Variants in CDH12 observed in about 807,000 individuals in gnomAD.
The protein encoded by CDH12 is cadherin-12.
Under a neutral mutation model 74.1 loss-of-function variants are expected in CDH12, and 41 were observed. That is an observed-to-expected ratio of 0.55 (90% CI 0.43 to 0.72). The LOEUF (loss-of-function observed/expected upper bound fraction) is 0.72, where lower values mean the gene tolerates loss of function less well. CDH12 is among the 30% of genes least tolerant of loss of function. The probability of loss-of-function intolerance (pLI) is 0.00; values close to 1 mark genes in which losing one functional copy is unlikely to be tolerated. For missense variants in CDH12, 945 were observed against 977.2 expected (o/e 0.97, Z 0.44); for synonymous variants, 399 against 355.0 (o/e 1.12, Z -1.39).
rs1410496026 is a variant in CDH12, at chr5:22,139,581, C to T, written c.-186-60719G>A. The T allele has an allele frequency of 2.8e-5, 4 of 144,586 alleles. No individual in the cohort carries two copies. The East Asian group carries it at 7.9e-4, about 29-fold the overall frequency. The allele number at this position is 144,586 out of a possible 1,614,324, so 9.0% of individuals were successfully genotyped here. On this transcript the variant is annotated intron_variant, in intron 4 of 14. Coordinates refer to ENST00000382254, the MANE Select transcript of CDH12 (RefSeq NM_004061.5). ...GGATTTTACTTGGCGTGCAATTTCT[C>T]AATAGACGTATCCTTCCTTCTGAAA...
At chr5:22,245,273 G>T (rs1480006569) in intron 3 of CDH12, among the ~76,000 whole-genome samples, 1 of 152,116 alleles carries the variant, frequency 6.6e-6, no homozygotes. Flanking sequence ...ATGGCTTTGG[G>T]AGAACATTTT....
chr5:21,847,876 CTGTT>C (rs1166219837), intron 7 of CDH12, among the ~76,000 whole-genome samples: 1 of 152,064 alleles, frequency 6.6e-6, no homozygotes, highest in Non-Finnish European at 1.5e-5. Flanking sequence ...CGTATTTATT[CTGTT>C]TGTTTTATGT....
intron 2 of CDH12, among the ~76,000 whole-genome samples, chr5:22,434,946 T>C (rs1205587159): frequency 6.6e-6 from 1 of 152,150 alleles, no homozygotes; most frequent in African/African-American, 2.4e-5. Flanking sequence ...ACATCTTGCT[T>C]CTAACCTCCA....
At chr5:22,512,481 C>T (rs2126673476) in intron 1 of CDH12, among the ~76,000 whole-genome samples, 1 of 152,206 alleles carries the variant, frequency 6.6e-6, no homozygotes, top group South Asian at 2.1e-4. Flanking sequence ...AGACCCAGGG[C>T]ACTAGTTTGG....
At position 22,726,288 on chromosome 5, in the gene CDH12, T is replaced by C. The variant is rs1379193636; in HGVS notation, c.-523+126770A>G. ...TTCTGGAATGTCATATGGTTGGAATTATATGTTATATGGCCTTTTCAGATT... is the reference window on the plus strand; with the variant it reads ...TTCTGGAATGTCATATGGTTGGAATCATATGTTATATGGCCTTTTCAGATT... On this transcript the variant is annotated intron_variant, in intron 1 of 14. Transcript: ENST00000382254. Among the ~76,000 whole-genome samples, 4 of 151,918 alleles carry C rather than the reference T, an allele frequency of 2.6e-5. No homozygotes were observed. The East Asian group carries it at 7.7e-4, about 29-fold the overall frequency.
intron 1 of CDH12, among the ~76,000 whole-genome samples, chr5:22,837,258 C>T (rs1581049709): frequency 6.6e-6 from 1 of 151,682 alleles, no homozygotes; most frequent in African/African-American, 2.4e-5. Context: ...TTTCTACGAA[C>T]AAAAATTTTA....
chr5:22,306,061 T>A lies in CDH12; in HGVS notation c.-332-93418A>T, dbSNP rs1738094666. ...GACCAATTGAACTGTTATAATTCTC[T>A]CCCTGTGCCATGCTCTTTAATGTCT... is the stretch of plus-strand genomic sequence containing the variant. On this transcript the variant is annotated intron_variant, in intron 3 of 14. Coordinates refer to ENST00000382254, the MANE Select transcript of CDH12 (RefSeq NM_004061.5). 1.3e-5 allele frequency among the ~76,000 whole-genome samples: 2 copies of A among 152,200 alleles called. 1 individual carries two copies. The highest frequency in any genetic ancestry group is 3.9e-4 in the East Asian group (2 of 5,188).
intron 3 of CDH12, among the ~76,000 whole-genome samples, chr5:22,375,031 A>C (rs1741461747): frequency 6.6e-6 from 1 of 152,150 alleles, no homozygotes; most frequent in Non-Finnish European, 1.5e-5. Flanking sequence ...AGCTATAGGC[A>C]TCACACTACC....
chr5:22,574,893 G>A (rs1187613531), intron 1 of CDH12, among the ~76,000 whole-genome samples: 1 of 151,942 alleles, frequency 6.6e-6, no homozygotes, highest in Non-Finnish European at 1.5e-5. Flanking sequence ...AACACCCAAG[G>A]CTTCTTCACA....
intron 2 of CDH12, among the ~76,000 whole-genome samples, chr5:22,425,172 A>ATATAAATAT (rs1554039892): frequency 1.2e-5 from 1 of 83,454 alleles, no homozygotes; most frequent in African/African-American, 4.4e-5. Context: ...TATATATATA[A>ATATAAATAT]ATATATATAT....
At chr5:22,842,106 T>C (rs984413161) in intron 1 of CDH12, among the ~76,000 whole-genome samples, 14 of 152,118 alleles carry the variant, frequency 9.2e-5, no homozygotes, top group African/African-American at 3.4e-4. Flanking sequence ...TGAAAACCAA[T>C]CCTCATAATA....
chr5:22,761,584 G>T (rs945527168), intron 1 of CDH12, among the ~76,000 whole-genome samples: 1 of 151,992 alleles, frequency 6.6e-6, no homozygotes, highest in Non-Finnish European at 1.5e-5. Flanking sequence ...ATCAGAACAG[G>T]TTTTACTATT....
chr5:22,398,219 C>T (rs1742548847), intron 3 of CDH12, among the ~76,000 whole-genome samples: 1 of 152,068 alleles, frequency 6.6e-6, no homozygotes, highest in African/African-American at 2.4e-5. Flanking sequence ...ACTGCTATAC[C>T]TCACAGGGAA....
chr5:22,673,895 G>T (rs529643427), intron 1 of CDH12, among the ~76,000 whole-genome samples: 2 of 152,124 alleles, frequency 1.3e-5, no homozygotes, highest in Non-Finnish European at 2.9e-5. Flanking sequence ...GAGCAAGTAA[G>T]TTCACAAAAA....
At chr5:22,120,039 A>G (rs1745412444) in intron 4 of CDH12, among the ~76,000 whole-genome samples, 1 of 152,092 alleles carries the variant, frequency 6.6e-6, no homozygotes, top group South Asian at 2.1e-4. Flanking sequence ...GTTACTGATT[A>G]TTTTTGCACC....
chr5:22,741,042 G>T (rs1240398270), intron 1 of CDH12, among the ~76,000 whole-genome samples: 1 of 152,076 alleles, frequency 6.6e-6, no homozygotes, highest in African/African-American at 2.4e-5. Flanking sequence ...AAGTAGAAGA[G>T]AATTTAGAAA....
At chr5:22,673,824 G>C (rs574419790) in intron 1 of CDH12, among the ~76,000 whole-genome samples, 1 of 152,116 alleles carries the variant, frequency 6.6e-6, no homozygotes, top group East Asian at 1.9e-4. Context: ...TTACATTCTA[G>C]TGAAACTGAT....
At chr5:22,515,931 AAAT>A (rs1489421040) in intron 1 of CDH12, among the ~76,000 whole-genome samples, 166 of 152,246 alleles carry the variant, frequency 1.1e-3, no homozygotes, top group African/African-American at 3.8e-3. Flanking sequence ...TTTATAGGAC[AAAT>A]AATTATTATC....
At chr5:22,146,189 T>C (rs572624549) in intron 4 of CDH12, among the ~76,000 whole-genome samples, 1 of 152,200 alleles carries the variant, frequency 6.6e-6, no homozygotes, top group East Asian at 1.9e-4. Context: ...GCCATCATAA[T>C]ACAAATTCTC....
Sources: gnomAD v4.1 joint callset for allele counts (sites outside exome capture counted in the v4.1 genomes callset) on GRCh38, gnomAD v4.1.1 for gene constraint, MANE v1.5 for transcripts, NCBI Gene and HGNC (gene_info 2026-07-23, HGNC 2026-07-21) for gene names.